NEK7: variants seen among roughly 807,000 people sequenced by gnomAD.
NEK7 encodes the protein NIMA related kinase 7, also known as serine/threonine-protein kinase Nek7.
Under a neutral mutation model 44.6 loss-of-function variants are expected in NEK7, and 18 were observed. The ratio of observed to expected loss-of-function variants is 0.40; its 90% CI spans 0.28 to 0.60. The LOEUF (loss-of-function observed/expected upper bound fraction) is 0.60. Among genes scored for constraint, NEK7 ranks in the 20% least tolerant of loss-of-function variants. The pLI is 0.38. For synonymous variants in NEK7, 130 were observed against 121.1 expected, an observed-to-expected ratio of 1.07 and a Z score of -0.48; for missense variants, 256 against 366.5, an observed-to-expected ratio of 0.70 and a Z score of 2.46.
chr1:198,317,923 C>T (rs1454484146), intron 9 of NEK7, among the ~76,000 whole-genome samples: 1 of 101,928 alleles, frequency 9.8e-6, no homozygotes, highest in African/African-American at 3.6e-5. Flanking sequence ...AAATGCCAGT[C>T]TCTTTCTGAT....
intron 2 of NEK7, among the ~76,000 whole-genome samples, chr1:198,242,088 A>C (rs1666700280): frequency 6.6e-6 from 1 of 150,596 alleles, no homozygotes; most frequent in African/African-American, 2.4e-5. Context: ...TCTCTCCCTC[A>C]CTCCTCATAT....
intron 5 of NEK7, among the ~76,000 whole-genome samples, chr1:198,267,388 A>G (rs1272295393): frequency 1.3e-5 from 2 of 152,240 alleles, no homozygotes; most frequent in East Asian, 3.9e-4. Flanking sequence ...TGATAAATCA[A>G]TTGAGAAAAA....
At chr1:198,275,571 C>CA (rs1403054450) in intron 5 of NEK7, among the ~76,000 whole-genome samples, 1 of 150,034 alleles carries the variant, frequency 6.7e-6, no homozygotes, top group Admixed American at 6.7e-5. Context: ...GATTTTCAAA[C>CA]AATAATGCTC....
chr1:198,249,507 A>G (rs1054702708), intron 2 of NEK7, among the ~76,000 whole-genome samples: 5 of 152,060 alleles, frequency 3.3e-5, no homozygotes, highest in African/African-American at 1.2e-4. Flanking sequence ...AGTCCCACCA[A>G]CAGTGTAAAA....
intron 2 of NEK7, among the ~76,000 whole-genome samples, chr1:198,251,852 G>C (rs1043933475): frequency 3.9e-5 from 6 of 152,010 alleles, no homozygotes; most frequent in Non-Finnish European, 8.8e-5. Context: ...ATTTTTTGAA[G>C]GGTTTTTGTG....
chr1:198,255,516 G>A (rs1653227928), intron 3 of NEK7, among the ~76,000 whole-genome samples: 1 of 152,100 alleles, frequency 6.6e-6, no homozygotes, highest in East Asian at 1.9e-4. Flanking sequence ...AAAGAATGGA[G>A]GAAGGGGTGG....
At chr1:198,235,365 C>T (rs533407773) in intron 2 of NEK7, among the ~76,000 whole-genome samples, 31 of 152,164 alleles carry the variant, frequency 2.0e-4, no homozygotes, top group African/African-American at 7.2e-4. Flanking sequence ...AGCTCCACTC[C>T]TTCCCACCCT....
intron 5 of NEK7, among the ~76,000 whole-genome samples, chr1:198,272,169 T>C (rs550077946): frequency 6.6e-6 from 1 of 151,838 alleles, no homozygotes; most frequent in African/African-American, 2.4e-5. Flanking sequence ...TTGAACACTT[T>C]ATACCGTGAA....
intron 5 of NEK7, among the ~76,000 whole-genome samples, chr1:198,265,458 A>C (rs1282788821): frequency 1.3e-5 from 2 of 152,148 alleles, no homozygotes; most frequent in Non-Finnish European, 2.9e-5. Context: ...TGAAAGGTTC[A>C]TAGAGGGAAG....
chr1:198,314,158 C>T (rs1245129317), intron 9 of NEK7, among the ~76,000 whole-genome samples: 1 of 152,050 alleles, frequency 6.6e-6, no homozygotes, highest in African/African-American at 2.4e-5. Context: ...CTCTAAACTT[C>T]CCTTCTCGCT....
chr1:198,238,676 T>A (rs1379961569), intron 2 of NEK7, among the ~76,000 whole-genome samples: 2 of 152,218 alleles, frequency 1.3e-5, no homozygotes, highest in African/African-American at 4.8e-5. Context: ...AGACTGAGGC[T>A]CCGACTAATT....
At chr1:198,252,572 AG>A (rs201820603) in intron 2 of NEK7, among the ~76,000 whole-genome samples, 10,672 of 57,836 alleles carry the variant, frequency 0.18, 970 homozygotes, top group East Asian at 0.57. Flanking sequence ...ATATATAAAA[AG>A]TACATATATA....
chr1:198,260,736 A>G (rs1009845561), intron 3 of NEK7, among the ~76,000 whole-genome samples: 1 of 152,044 alleles, frequency 6.6e-6, no homozygotes, highest in Non-Finnish European at 1.5e-5. Context: ...AAGTTGCAGA[A>G]CGTAAATTTG....
intron 1 of NEK7, among the ~76,000 whole-genome samples, chr1:198,213,524 T>C (rs941024768): frequency 3.3e-5 from 5 of 152,152 alleles, no homozygotes; most frequent in African/African-American, 1.2e-4. Flanking sequence ...TCAGGGTTAC[T>C]CTATCCTCAG....
At chr1:198,270,296 T>C in intron 5 of NEK7, among the ~76,000 whole-genome samples, 1 of 152,030 alleles carries the variant, frequency 6.6e-6, no homozygotes, top group East Asian at 1.9e-4. Flanking sequence ...TTGAGACAAA[T>C]AGAAGAAACT....
chr1:198,211,491 A>G (rs1241389311), intron 1 of NEK7, among the ~76,000 whole-genome samples: 5 of 152,210 alleles, frequency 3.3e-5, no homozygotes, highest in Non-Finnish European at 7.4e-5. Flanking sequence ...ATGTGTGTGT[A>G]CACATGTGCT....
rs1210566098 is a variant in NEK7 at position 198,320,770 on chromosome 1, A to C, written c.*1248A>C. ...TTCTAGAATATGCTTAATAAAATGA[A>C]AACTGGCCATGACTACAGCCAGAAC... is the stretch of plus-strand genomic sequence containing the variant. On this transcript the variant is annotated 3_prime_UTR_variant, in exon 10 of 10. Coordinates refer to ENST00000367385, the MANE Select transcript of NEK7 (RefSeq NM_133494.3). The C allele has an allele frequency of 1.3e-5, 2 of 152,202 alleles. No individual in the cohort carries two copies. Among genetic ancestry groups the C allele is most frequent in the Non-Finnish European group, 2.9e-5 (2 of 68,028 alleles). The allele number at this position is 152,202 out of a possible 1,614,324, so 9.4% of individuals were successfully genotyped here.
chr1:198,288,046 C>T (rs1037026763), intron 7 of NEK7, among the ~76,000 whole-genome samples: 1 of 152,168 alleles, frequency 6.6e-6, no homozygotes, highest in Non-Finnish European at 1.5e-5. Flanking sequence ...GTTCTTGAAC[C>T]AGGCATTAAA....
intron 9 of NEK7, among the ~76,000 whole-genome samples, chr1:198,314,685 C>CCCGG (rs1655295548): frequency 6.6e-6 from 1 of 152,056 alleles, no homozygotes; most frequent in Non-Finnish European, 1.5e-5. Context: ...TGTTTGAGTA[C>CCCGG]CCGGCCGTGT....
Sources: gnomAD v4.1 joint callset for allele counts (sites outside exome capture counted in the v4.1 genomes callset) on GRCh38, gnomAD v4.1.1 for gene constraint, MANE v1.5 for transcripts, NCBI Gene and HGNC (gene_info 2026-07-23, HGNC 2026-07-21) for gene names.